Variants in CHRM2 observed in about 807,000 individuals in gnomAD.
CHRM2 encodes cholinergic receptor muscarinic 2.
In CHRM2, 8 loss-of-function variants were observed where a neutral mutation model predicts 25.0. That is an observed-to-expected ratio of 0.32 (90% CI 0.19 to 0.58). The LOEUF is 0.58. Ranked by LOEUF, CHRM2 falls within the 20% of genes least tolerant of loss-of-function variation. The pLI, the probability that CHRM2 is intolerant of heterozygous loss-of-function variation, is 0.88. For synonymous variants in CHRM2, 202 were observed against 205.7 expected (o/e 0.98, Z 0.15); for missense variants, 440 against 567.1 (o/e 0.78, Z 2.28).
At chr7:137,012,005 G>A (rs182013974) in intron 3 of CHRM2, among the ~76,000 whole-genome samples, 74 of 152,096 alleles carry the variant, frequency 4.9e-4, no homozygotes, top group African/African-American at 1.8e-3. Context: ...CAACATCAGT[G>A]TTATTCATTA....
At chr7:136,907,358 G>T (rs914752977) in intron 2 of CHRM2, among the ~76,000 whole-genome samples, 1 of 151,932 alleles carries the variant, frequency 6.6e-6, no homozygotes, top group Non-Finnish European at 1.5e-5. Flanking sequence ...AACAACAGTT[G>T]CTTGACCTTC....
intron 2 of CHRM2, among the ~76,000 whole-genome samples, chr7:136,889,047 CAAAAAAAAA>C (rs56915229): frequency 3.0e-5 from 2 of 66,492 alleles, no homozygotes; most frequent in East Asian, 1.4e-3. Flanking sequence ...GACTACATCT[CAAAAAAAAA>C]AAAAAAAAAA....
At chr7:136,919,716 A>G (rs1798317685) in intron 2 of CHRM2, among the ~76,000 whole-genome samples, 1 of 152,132 alleles carries the variant, frequency 6.6e-6, no homozygotes, top group Admixed American at 6.6e-5. Flanking sequence ...CTACTTTTCC[A>G]GAAAGCCCTT....
intron 3 of CHRM2, among the ~76,000 whole-genome samples, chr7:137,000,020 AAAC>A (rs1032634260): frequency 4.6e-5 from 7 of 152,140 alleles, no homozygotes; most frequent in Admixed American, 3.9e-4. Flanking sequence ...GAAAGTACTA[AAAC>A]AACATCTCAA....
chr7:137,007,539 A>G (rs1318167019), intron 3 of CHRM2, among the ~76,000 whole-genome samples: 1 of 152,114 alleles, frequency 6.6e-6, no homozygotes, highest in African/African-American at 2.4e-5. Context: ...AATATGTACA[A>G]TGACTCATAA....
chr7:136,885,090 GCTAACTTGCTTCAAT>G (rs1472051967), intron 2 of CHRM2, among the ~76,000 whole-genome samples: 1 of 152,190 alleles, frequency 6.6e-6, no homozygotes, highest in Non-Finnish European at 1.5e-5. Flanking sequence ...AAAGCTGAAA[GCTAACTTGCTTCAAT>G]CTTTTTAGAA....
chr7:136,916,596 G>A (rs17496259), intron 2 of CHRM2, among the ~76,000 whole-genome samples: 33,766 of 150,726 alleles, frequency 0.22, 4,933 homozygotes, highest in Non-Finnish European at 0.32. Context: ...CTCCTCACAT[G>A]TTCCCTTTTA....
intron 2 of CHRM2, among the ~76,000 whole-genome samples, chr7:136,965,697 C>T (rs2130910326): frequency 6.6e-6 from 1 of 152,152 alleles, no homozygotes; most frequent in South Asian, 2.1e-4. Flanking sequence ...GAGTTGATAT[C>T]ACAGTGCAGT....
At chr7:136,959,302 G>A (rs1209171818) in intron 2 of CHRM2, among the ~76,000 whole-genome samples, 3 of 152,178 alleles carry the variant, frequency 2.0e-5, no homozygotes, top group Non-Finnish European at 4.4e-5. Context: ...GAATTTTAAA[G>A]GAGGTTATGC....
chr7:136,979,512 C>G (rs1802339629), intron 2 of CHRM2, among the ~76,000 whole-genome samples: 1 of 152,080 alleles, frequency 6.6e-6, no homozygotes, highest in Admixed American at 6.6e-5. Context: ...AGTCATGAAG[C>G]CTTTCCCCAG....
chr7:136,966,900 G>A (rs1056314280), intron 2 of CHRM2, among the ~76,000 whole-genome samples: 4 of 151,964 alleles, frequency 2.6e-5, no homozygotes, highest in Non-Finnish European at 5.9e-5. Flanking sequence ...AGGTGAAAAT[G>A]TTGACACTAT....
chr7:136,935,962 G>A (rs1280397213), intron 2 of CHRM2, among the ~76,000 whole-genome samples: 2 of 152,078 alleles, frequency 1.3e-5, no homozygotes, highest in East Asian at 1.9e-4. Flanking sequence ...CATTGTCACT[G>A]CCTTACCAAT....
chr7:136,974,234 T>G (rs1325102670), intron 2 of CHRM2, among the ~76,000 whole-genome samples: 3 of 152,188 alleles, frequency 2.0e-5, no homozygotes, highest in Non-Finnish European at 2.9e-5. Context: ...TCCAGGTTGG[T>G]ACAGTTTAAG....
intron 2 of CHRM2, among the ~76,000 whole-genome samples, chr7:136,963,917 CTTGTCTTT>C (rs1395309184): frequency 6.6e-6 from 1 of 152,144 alleles, no homozygotes; most frequent in African/African-American, 2.4e-5. Flanking sequence ...CAGAGACACC[CTTGTCTTT>C]TGGTGGCACT....
intron 2 of CHRM2, among the ~76,000 whole-genome samples, chr7:136,960,820 T>G (rs1448392403): frequency 6.6e-6 from 1 of 152,182 alleles, no homozygotes; most frequent in Non-Finnish European, 1.5e-5. Context: ...TATTTTGTGA[T>G]GGATATGAAA....
chr7:136,897,355 A>G (rs1021290601), intron 2 of CHRM2, among the ~76,000 whole-genome samples: 1 of 152,124 alleles, frequency 6.6e-6, no homozygotes, highest in African/African-American at 2.4e-5. Context: ...AGAAGTTATC[A>G]GTATATTAAT....
In CHRM2 at chr7:136,930,927, A is replaced by AAG. The variant is rs1290104978; in HGVS notation, c.-124-61260_-124-61259insAG. ...AAAAAAAAAAAAAAAAAAAAAAAAA[A>AAG]GGATAGAAAGATCCTTACCACATAT... On this transcript the variant is annotated intron_variant, in intron 2 of 3. Transcript: ENST00000680005. Among the ~76,000 whole-genome samples, 1,271 of 138,554 alleles carry AAG rather than the reference A, an allele frequency of 9.2e-3. 49 individuals are homozygous for AAG. The highest frequency in any genetic ancestry group is 0.034 in the African/African-American group (1,204 of 35,748). The allele number at this position is 138,554 out of a possible 152,430, so 90.9% of individuals were successfully genotyped here.
intron 2 of CHRM2, among the ~76,000 whole-genome samples, chr7:136,881,110 C>A (rs572345882): frequency 6.7e-6 from 1 of 148,898 alleles, no homozygotes; most frequent in East Asian, 2.0e-4. Context: ...CCCTAAAAAG[C>A]CTCTGTGCCC....
intron 2 of CHRM2, among the ~76,000 whole-genome samples, chr7:136,958,927 T>C (rs1311229523): frequency 6.6e-6 from 1 of 152,198 alleles, no homozygotes; most frequent in African/African-American, 2.4e-5. Context: ...TATTCCAAGT[T>C]TGAAAAATTT....
Sources: allele counts gnomAD v4.1 joint callset (sites outside exome capture counted in the v4.1 genomes callset), GRCh38; gene constraint gnomAD v4.1.1; transcripts MANE v1.5; gene names NCBI Gene and HGNC (gene_info 2026-07-23, HGNC 2026-07-21).